INPPL1: variants seen among roughly 807,000 people sequenced by gnomAD.
INPPL1 encodes the protein inositol polyphosphate phosphatase like 1.
Under a neutral mutation model 139.3 loss-of-function variants are expected in INPPL1, and 91 were observed. The ratio of observed to expected loss-of-function variants is 0.65; its 90% CI spans 0.55 to 0.78. INPPL1 has a LOEUF of 0.78. INPPL1 is among the 30% of genes least tolerant of loss of function. INPPL1 has a pLI of 0.00. For missense variants in INPPL1, 1,411 were observed against 1,665.6 expected (o/e 0.85, Z 2.66); for synonymous variants, 719 against 686.6 (o/e 1.05, Z -0.74).
At position 72,231,529 on chromosome 11, in the gene INPPL1, T is replaced by C. The variant is rs147663158; in HGVS notation, c.1529T>C (p.Val510Ala). 1.2e-6 allele frequency: 2 copies of C among 1,613,770 alleles called. No individual in the cohort carries two copies. The highest frequency in any genetic ancestry group is 2.7e-5 in the African/African-American group (2 of 74,906). Residue 510 changes from valine (V) to alanine (A), a missense_variant, in exon 13 of 28, where the codon GTG becomes GCG. Transcript: ENST00000298229. ...IAMQSLWNIK[V>A]AVLVKPEHEN... ...ATGCAATCACTGTGGAATATCAAGG[T>C]GGCAGTGCTGGTCAAGCCAGAGCAC...
chr11:72,235,328 G>T lies in INPPL1; in HGVS notation c.2536G>T (p.Gly846Cys). ...ECVVALKSMI[G>C]STAQQFLTFL... ...TGTGGTTGCACTCAAATCCATGATC[G>T]GCAGCACGGCCCAACAGTTCCTGAC... The change falls in exon 23 of 28, where the codon GGC becomes TGC. Residue 846 changes from glycine to cysteine, a missense_variant. Transcript: ENST00000298229. This position sits in a 1 kb window ranked among gnomAD's most constrained non-coding sequence, Gnocchi z 4.9. 1 of 1,614,008 alleles carries T rather than the reference G, an allele frequency of 6.2e-7. No individual in the cohort carries two copies. Among genetic ancestry groups the T allele is most frequent in the Non-Finnish European group, 8.5e-7 (1 of 1,179,980 alleles).
In INPPL1 at chr11:72,237,238, C is replaced by T. The variant is rs1591287375; in HGVS notation, c.2994C>T (p.Pro998=). 1 of 1,614,002 alleles carries T rather than the reference C, an allele frequency of 6.2e-7. No individual in the cohort carries two copies. The highest frequency in any genetic ancestry group is 8.5e-7 in the Non-Finnish European group (1 of 1,180,024). Residue 998 remains proline, a synonymous_variant, in exon 26 of 28, where the codon CCC becomes CCT. Coordinates refer to ENST00000298229, the MANE Select transcript of INPPL1 (RefSeq NM_001567.4). ...VLEGVPHQLL[P]PEPPSPARAP... ...AAGGGGTCCCGCACCAGCTGCTGCCCCCGGAGCCACCCTCGCCTGCCAGGG... is the reference window on the plus strand; with the variant it reads ...AAGGGGTCCCGCACCAGCTGCTGCCTCCGGAGCCACCCTCGCCTGCCAGGG...
chr11:72,228,392 G>A lies in INPPL1; in HGVS notation c.291G>A (p.Glu97=), dbSNP rs1294240648. ...VPVRRFQTLG[E]LIGLYAQPNQ... is the part of the protein sequence containing the mutation. ...TGCGCCGCTTCCAGACCCTGGGTGA[G>A]CTCATCGGCCTGTACGCCCAGCCCA... The change falls in exon 3 of 28, where the codon GAG becomes GAA. Residue 97 remains glutamate, a synonymous_variant. Coordinates refer to ENST00000298229, the MANE Select transcript of INPPL1 (RefSeq NM_001567.4). This position sits in a 1 kb window ranked among gnomAD's most constrained non-coding sequence, Gnocchi z 5.0. The A allele has an allele frequency of 6.2e-7, 1 of 1,613,164 alleles. No individual in the cohort carries two copies. Among genetic ancestry groups the A allele is most frequent in the South Asian group, 1.1e-5 (1 of 91,090 alleles).
Position 72,235,071 on chromosome 11 carries a change from G to A in INPPL1, c.2416-45G>A, listed in dbSNP as rs373760022. Reference sequence around the variant, plus strand: ...GGGCAGCGCGTAGGAGGGGCAGGAGGAAGTGGCGGGGCTTTGTTCCTCACT... The same window carrying A: ...GGGCAGCGCGTAGGAGGGGCAGGAGAAAGTGGCGGGGCTTTGTTCCTCACT... On this transcript the variant is annotated intron_variant, in intron 21 of 27. Transcript: ENST00000298229. This position sits in a 1 kb window ranked among gnomAD's most constrained non-coding sequence, Gnocchi z 4.9. 63 of 1,529,906 alleles carry A rather than the reference G, an allele frequency of 4.1e-5. No individual in the cohort carries two copies. The highest frequency in any genetic ancestry group is 3.7e-5 in the Non-Finnish European group (41 of 1,106,896). The allele number at this position is 1,529,906 out of a possible 1,614,324, so 94.8% of individuals were successfully genotyped here. A position where few individuals can be genotyped will look rare whatever the true frequency, so the allele number is the denominator to read the frequency against.
rs777553838 is a variant in INPPL1, at chr11:72,237,476, C to T, written c.3232C>T (p.Arg1078Trp). The change falls in exon 26 of 28, where the codon CGG (arginine) becomes TGG (tryptophan). Residue 1078 changes from arginine to tryptophan, a missense_variant. Transcript: ENST00000298229. Reference protein sequence around the residue: ...SLDPLPGPVVRGRGGAEARGP... With the variant: ...SLDPLPGPVVWGRGGAEARGP... ...GGATCCTTTACCAGGGCCAGTGGTCCGGGGCCGTGGTGGGGCTGAGGCCCG... is the reference window on the plus strand; with the variant it reads ...GGATCCTTTACCAGGGCCAGTGGTCTGGGGCCGTGGTGGGGCTGAGGCCCG... 46 of 1,609,966 alleles carry T rather than the reference C, an allele frequency of 2.9e-5. No homozygotes were observed. Among genetic ancestry groups the T allele is most frequent in the Admixed American group, 1.2e-4 (7 of 59,866 alleles).
intron 1 of INPPL1, chr11:72,225,514 C>G (rs1437899645): frequency 2.0e-6 from 2 of 985,260 alleles, no homozygotes; most frequent in East Asian, 2.3e-4. Context: ...ACGTTGTGTG[C>G]AGTCCCGTTT....
rs768626264 is a variant in INPPL1, at chr11:72,230,467, G to A, written c.1196G>A (p.Arg399Gln). 1.4e-5 allele frequency: 22 copies of A among 1,613,260 alleles called. No individual in the cohort carries two copies. The highest frequency in any genetic ancestry group is 2.2e-5 in the South Asian group (2 of 91,046). The change falls in exon 10 of 28, where the codon CGG becomes CAG. Residue 399 changes from arginine (R) to glutamine (Q), a missense_variant and splice_region_variant. Arg to Gln is a conservative substitution (Grantham distance 43). Around this residue, in one of 5 missense-constraint regions of INPPL1, gnomAD observed 504 missense variants for 595.6 expected, o/e 0.85. Coordinates refer to ENST00000298229, the MANE Select transcript of INPPL1 (RefSeq NM_001567.4). ...QRKDFIFVSA[R>Q]KREAFCQLLQ... ...AAGGACTTCATCTTTGTCAGTGCCCGGGTGAGCAGCAGGCTGGGCCAGGCC... is the reference window on the plus strand; with the variant it reads ...AAGGACTTCATCTTTGTCAGTGCCCAGGTGAGCAGCAGGCTGGGCCAGGCC...
chr11:72,226,855 G>A (rs373098825), intron 1 of INPPL1, among the ~76,000 whole-genome samples: 2 of 152,072 alleles, frequency 1.3e-5, no homozygotes, highest in African/African-American at 4.8e-5. Flanking sequence ...GGACAGCTGG[G>A]GCCTGTGTCT....
chr11:72,231,368 C>A, intron 12 of INPPL1, 130 bp from the exon 13 acceptor site: 1 of 931,704 alleles, frequency 1.1e-6, no homozygotes, highest in Non-Finnish European at 1.7e-6. Context: ...CCATTTCTCT[C>A]CAGTCCGTCA....
Position 72,233,142 on chromosome 11 carries a change from G to A in INPPL1, c.2019G>A (p.Trp673Ter). ...GGGGTTCCCGGGACACATATGCCTG[G>A]CACAAGCAGAAGCCAACTGGGGTGA... is the stretch of plus-strand genomic sequence containing the variant. ...YERGSRDTYA[W>*]HKQKPTGVRT... Residue 673 changes from tryptophan (W) to a stop codon, truncating the protein, a stop_gained, in exon 17 of 28, where the codon TGG (tryptophan) becomes TGA (stop). Transcript: ENST00000298229. LOFTEE classifies it high-confidence loss of function. The A allele has an allele frequency of 6.2e-7, 1 of 1,613,856 alleles. No homozygotes were observed. Among genetic ancestry groups the A allele is most frequent in the Non-Finnish European group, 8.5e-7 (1 of 1,179,932 alleles).
At chr11:72,227,128 G>A (rs916938214) in intron 1 of INPPL1, among the ~76,000 whole-genome samples, 2 of 152,140 alleles carry the variant, frequency 1.3e-5, no homozygotes, top group African/African-American at 4.8e-5. Context: ...TGCAAGACAC[G>A]CCCCTGCCCC....
chr11:72,231,386 G>A (rs1373283630), intron 12 of INPPL1, 112 bp from the exon 13 acceptor site: 26 of 986,746 alleles, frequency 2.6e-5, no homozygotes, highest in Non-Finnish European at 3.8e-5. Flanking sequence ...TCAGGAAGAG[G>A]GGTGGCAAGC....
In INPPL1 at chr11:72,228,412, A is replaced by G. The variant is rs758746094; in HGVS notation, c.311A>G (p.Gln104Arg). Residue 104 changes from glutamine to arginine, a missense_variant, in exon 3 of 28, where the codon CAG becomes CGG. Physicochemically the swap from Gln to Arg is conservative, Grantham distance 43 (BLOSUM62 1). Around this residue, in one of 5 missense-constraint regions of INPPL1, gnomAD observed 504 missense variants for 595.6 expected, o/e 0.85. Coordinates refer to ENST00000298229, the MANE Select transcript of INPPL1 (RefSeq NM_001567.4). This position sits in a 1 kb window ranked among gnomAD's most constrained non-coding sequence, Gnocchi z 5.0. Reference protein sequence around the residue: ...TLGELIGLYAQPNQGLVCALL... With the variant: ...TLGELIGLYARPNQGLVCALL... ...GGTGAGCTCATCGGCCTGTACGCCC[A>G]GCCCAACCAGGGCCTTGTGTGCGCC... 6.2e-6 allele frequency: 10 copies of G among 1,612,936 alleles called. No homozygotes were observed. The highest frequency in any genetic ancestry group is 2.2e-5 in the East Asian group (1 of 44,872).
rs1948725043 is a variant in INPPL1 at position 72,228,118 on chromosome 11, A to G, written c.183-72A>G. The G allele has an allele frequency of 2.6e-6, 4 of 1,537,618 alleles. No individual in the cohort carries two copies. Among genetic ancestry groups the G allele is most frequent in the South Asian group, 1.1e-5 (1 of 89,268 alleles). Reference sequence around the variant, plus strand: ...GGGTTGGGGTGCTGAGCTTGCTGGCAGGAGGAAGGGGTGCTTTGGGTCTTA... The same window carrying G: ...GGGTTGGGGTGCTGAGCTTGCTGGCGGGAGGAAGGGGTGCTTTGGGTCTTA... On this transcript the variant is annotated intron_variant, in intron 1 of 27. Transcript: ENST00000298229. The surrounding 1 kb of genome is among the most constrained non-coding windows in gnomAD (Gnocchi z 5.0).
rs1039326928 is a variant in INPPL1 at position 72,224,980 on chromosome 11, G to A, written c.-5G>A. On this transcript the variant is annotated 5_prime_UTR_variant, in exon 1 of 28. Coordinates refer to ENST00000298229, the MANE Select transcript of INPPL1 (RefSeq NM_001567.4). ...GGGCGGGCGGTGCTGAGCCCTGCGCGGGCCATGGCCTCGGCCTGCGGGGCG... is the reference window on the plus strand; with the variant it reads ...GGGCGGGCGGTGCTGAGCCCTGCGCAGGCCATGGCCTCGGCCTGCGGGGCG... The A allele has an allele frequency of 5.7e-5, 66 of 1,161,176 alleles. No homozygotes were observed. The highest frequency in any genetic ancestry group is 7.0e-5 in the Non-Finnish European group (66 of 942,792). 71.9% of individuals were successfully genotyped at this position (1,161,176 alleles called of 1,614,324 possible).
chr11:72,233,964 A>G (rs1476771524), intron 19 of INPPL1, among the ~76,000 whole-genome samples: 1 of 151,846 alleles, frequency 6.6e-6, no homozygotes, highest in Non-Finnish European at 1.5e-5. Flanking sequence ...GTGAGTGTAC[A>G]CCTATCTATG....
chr11:72,228,423 G>A lies in INPPL1; in HGVS notation c.322G>A (p.Gly108Ser). The A allele has an allele frequency of 1.2e-6, 2 of 1,612,824 alleles. No individual in the cohort carries two copies. The highest frequency in any genetic ancestry group is 1.7e-6 in the Non-Finnish European group (2 of 1,179,986). Reference sequence around the variant, plus strand: ...CGGCCTGTACGCCCAGCCCAACCAGGGCCTTGTGTGCGCCCTGCTTCTTCC... The same window carrying A: ...CGGCCTGTACGCCCAGCCCAACCAGAGCCTTGTGTGCGCCCTGCTTCTTCC... The part of the protein sequence containing the change: ...LIGLYAQPNQ[G>S]LVCALLLPVE... The change falls in exon 3 of 28, where the codon GGC becomes AGC. Residue 108 changes from glycine to serine, a missense_variant. By Grantham distance (56) the Gly-to-Ser change is moderately conservative. This residue lies in a region of INPPL1 where 504 missense variants were observed against 595.6 expected (regional missense o/e 0.85). Transcript: ENST00000298229. This position sits in a 1 kb window ranked among gnomAD's most constrained non-coding sequence, Gnocchi z 5.0.
At chr11:72,233,349 G>T in intron 17 of INPPL1, 92 bp from the exon 18 acceptor site, 1 of 1,163,586 alleles carries the variant, frequency 8.6e-7, no homozygotes. Flanking sequence ...TCTAGTAATA[G>T]AAGTGTGGGG....
At chr11:72,224,118 T>TGC (rs986180237), upstream of INPPL1, among the ~76,000 whole-genome samples, 10 of 151,384 alleles carry the variant, frequency 6.6e-5, no homozygotes, top group African/African-American at 2.2e-4. Flanking sequence ...GGAAGGGCTC[T>TGC]GCGGGGCTGG....
Sources: allele counts gnomAD v4.1 joint callset (sites outside exome capture counted in the v4.1 genomes callset), GRCh38; gene constraint gnomAD v4.1.1; regional missense constraint gnomAD v4.1.1; non-coding constraint Gnocchi (gnomAD v3.1); transcripts MANE v1.5; gene names NCBI Gene and HGNC (gene_info 2026-07-23, HGNC 2026-07-21).